Variants in TSPAN18 observed in about 807,000 individuals in gnomAD.
TSPAN18 encodes the protein tetraspanin 18.
Under a neutral mutation model 27.3 loss-of-function variants are expected in TSPAN18, and 14 were observed. The observed-to-expected ratio is 0.51, with a 90% CI of 0.34 to 0.80. TSPAN18 has a LOEUF of 0.80. TSPAN18 is among the 30% of genes least tolerant of loss of function. The pLI is 0.01. For missense variants in TSPAN18, 268 were observed against 323.9 expected (o/e 0.83, Z 1.32); for synonymous variants, 143 against 136.5 (o/e 1.05, Z -0.33).
intron 2 of TSPAN18, among the ~76,000 whole-genome samples, chr11:44,811,443 A>G (rs1028942505): frequency 6.9e-6 from 1 of 145,600 alleles, no homozygotes; most frequent in African/African-American, 2.5e-5. Context: ...CCTTGATGAC[A>G]TGTACCACAT....
intron 3 of TSPAN18, among the ~76,000 whole-genome samples, chr11:44,880,535 TG>T (rs1333553628): frequency 6.6e-6 from 1 of 152,148 alleles, no homozygotes; most frequent in African/African-American, 2.4e-5. Context: ...TGTGAGCCCT[TG>T]GGTACGGAGG....
intron 1 of TSPAN18, chr11:44,736,435 C>T (rs1854796211): frequency 1.3e-5 from 2 of 152,240 alleles, no homozygotes; most frequent in South Asian, 4.1e-4. Flanking sequence ...GCTCCGTCTC[C>T]TCGCAAGTTG....
At chr11:44,758,532 C>G (rs1855382701) in intron 1 of TSPAN18, among the ~76,000 whole-genome samples, 1 of 152,150 alleles carries the variant, frequency 6.6e-6, no homozygotes, top group African/African-American at 2.4e-5. Flanking sequence ...GTGTCTTTGT[C>G]TGGTTTTGGT....
chr11:44,929,301 C>A lies in TSPAN18; in HGVS notation c.*123C>A. The A allele has an allele frequency of 3.3e-6, 4 of 1,217,156 alleles. No individual in the cohort carries two copies. Among genetic ancestry groups the A allele is most frequent in the Non-Finnish European group, 4.7e-6 (4 of 849,808 alleles). The allele number at this position is 1,217,156 out of a possible 1,614,324, so 75.4% of individuals were successfully genotyped here. The stretch of plus-strand genomic sequence containing the variant: ...GAGAAGATGAGGCCATCAGAGATGG[C>A]CAGGAGAAGGGCCAGGGGAATAGAG... On this transcript the variant is annotated 3_prime_UTR_variant, in exon 10 of 10. Coordinates refer to ENST00000520358, the MANE Select transcript of TSPAN18 (RefSeq NM_130783.5).
intron 7 of TSPAN18, 116 bp downstream of exon 7, chr11:44,919,428 G>A: frequency 1.1e-6 from 1 of 925,078 alleles, no homozygotes; most frequent in Non-Finnish European, 1.7e-6. Context: ...CACAGACCTG[G>A]CCTTGGAATC....
intron 5 of TSPAN18, among the ~76,000 whole-genome samples, 154 bp downstream of exon 5, chr11:44,910,053 G>A (rs778352016): frequency 7.2e-5 from 11 of 152,164 alleles, no homozygotes; most frequent in East Asian, 5.8e-4. Context: ...AGATGAGCAC[G>A]TCTGACCCCA....
chr11:44,908,806 A>AGAAAGAAGGAAGGAAGGAAGGAAG (rs1554938120), intron 4 of TSPAN18, among the ~76,000 whole-genome samples: 1 of 114,504 alleles, frequency 8.7e-6, no homozygotes. Context: ...AAAGAAAGAA[A>AGAAAGAAGGAAGGAAGGAAGGAAG]GAAAGAAAGA....
chr11:44,873,174 C>T (rs1184614209), intron 3 of TSPAN18, among the ~76,000 whole-genome samples: 1 of 152,228 alleles, frequency 6.6e-6, no homozygotes, highest in Non-Finnish European at 1.5e-5. Flanking sequence ...TTCCAGTGGT[C>T]CCTTGGCAGC....
intron 3 of TSPAN18, among the ~76,000 whole-genome samples, chr11:44,893,578 G>A (rs980594872): frequency 2.6e-5 from 4 of 152,170 alleles, no homozygotes; most frequent in Non-Finnish European, 5.9e-5. Flanking sequence ...TCTAGGCCTC[G>A]GGCCGGCGTC....
At chr11:44,824,073 G>C (rs1243519260) in intron 2 of TSPAN18, among the ~76,000 whole-genome samples, 2 of 152,178 alleles carry the variant, frequency 1.3e-5, no homozygotes, top group Non-Finnish European at 2.9e-5. Context: ...CTGCTGTCGG[G>C]GTCTTCCCTC....
At chr11:44,741,981 A>G (rs975106622) in intron 1 of TSPAN18, among the ~76,000 whole-genome samples, 1 of 151,040 alleles carries the variant, frequency 6.6e-6, no homozygotes, top group South Asian at 2.1e-4. Context: ...TTCCATATAC[A>G]CACCAGACCC....
At chr11:44,861,153 C>G (rs943662551) in intron 3 of TSPAN18, among the ~76,000 whole-genome samples, 23 of 152,076 alleles carry the variant, frequency 1.5e-4, no homozygotes, top group African/African-American at 4.8e-4. Flanking sequence ...CCTCGGTAGC[C>G]ACTCTCCATG....
intron 3 of TSPAN18, among the ~76,000 whole-genome samples, chr11:44,880,307 G>A (rs1002059781): frequency 7.2e-5 from 11 of 152,162 alleles, no homozygotes; most frequent in Non-Finnish European, 1.5e-4. Flanking sequence ...CCATACGCAG[G>A]GCTGGAAGCT....
chr11:44,882,502 C>T (rs899775070), intron 3 of TSPAN18, among the ~76,000 whole-genome samples: 12 of 151,858 alleles, frequency 7.9e-5, no homozygotes, highest in African/African-American at 1.7e-4. Context: ...CCCAGGCTCC[C>T]GGGTGCGGTG....
At chr11:44,769,907 A>G (rs183979064) in intron 2 of TSPAN18, among the ~76,000 whole-genome samples, 97 of 152,170 alleles carry the variant, frequency 6.4e-4, no homozygotes, top group Non-Finnish European at 1.1e-3. Context: ...TCTGAAGGCT[A>G]TGTTTTAATC....
intron 2 of TSPAN18, among the ~76,000 whole-genome samples, chr11:44,810,501 C>T (rs1856689458): frequency 6.6e-6 from 1 of 152,020 alleles, no homozygotes; most frequent in African/African-American, 2.4e-5. Context: ...ATGTATATAC[C>T]ATAATTTGCT....
chr11:44,742,358 T>TTCCTTACCTCTTTCCC (rs1854963829), intron 1 of TSPAN18, among the ~76,000 whole-genome samples: 1 of 140,932 alleles, frequency 7.1e-6, no homozygotes, highest in South Asian at 2.5e-4. Flanking sequence ...CCCTCCTTCC[T>TTCCTTACCTCTTTCCC]TCCTTACCTC....
chr11:44,908,774 A>AG (rs145097737), intron 4 of TSPAN18, among the ~76,000 whole-genome samples: 1,560 of 92,666 alleles, frequency 0.017, 117 homozygotes, highest in African/African-American at 0.035. Flanking sequence ...GAAAGGAGAA[A>AG]GAAAGAAAGA....
intron 1 of TSPAN18, among the ~76,000 whole-genome samples, chr11:44,750,684 C>T (rs1345317988): frequency 1.3e-5 from 2 of 152,034 alleles, no homozygotes; most frequent in African/African-American, 4.8e-5. Flanking sequence ...TGACCAGCTA[C>T]ATGAAGAGCT....
Sources: allele counts gnomAD v4.1 joint callset (sites outside exome capture counted in the v4.1 genomes callset), GRCh38; gene constraint gnomAD v4.1.1; transcripts MANE v1.5; gene names NCBI Gene and HGNC (gene_info 2026-07-23, HGNC 2026-07-21).